Variants in DNMBP observed in about 807,000 individuals in gnomAD.
DNMBP encodes dynamin-binding protein.
A neutral mutation model predicts 150.0 loss-of-function variants in DNMBP; 87 were observed. The ratio of observed to expected loss-of-function variants is 0.58; its 90% confidence interval spans 0.49 to 0.69. The LOEUF is 0.69. Among genes scored for constraint, DNMBP ranks in the 30% least tolerant of loss-of-function variants. DNMBP has a pLI of 0.00. For synonymous variants in DNMBP, 711 were observed against 750.4 expected (o/e 0.95, Z 0.86); for missense variants, 1,774 against 1,949.0 (o/e 0.91, Z 1.69).
Position 99,900,034 on chromosome 10 carries a change from C to G in DNMBP, c.2587G>C (p.Glu863Gln). ...TGGCAGTAAATCTTGTATGTTCCCTCAAGCTCATCCCGGTGACCAAGAAAC... is the reference window on the plus strand; with the variant it reads ...TGGCAGTAAATCTTGTATGTTCCCTGAAGCTCATCCCGGTGACCAAGAAAC... ...PVFLGHRDELEGTYKIYCQNH... is the reference protein window; with the variant it reads ...PVFLGHRDELQGTYKIYCQNH... Residue 863 changes from glutamate (E) to glutamine (Q), a missense_variant, in exon 7 of 17, where the codon GAG (glutamate) becomes CAG (glutamine). Coordinates refer to ENST00000324109, the MANE Select transcript of DNMBP (RefSeq NM_015221.4). The G allele has an allele frequency of 6.2e-7, 1 of 1,614,162 alleles. No homozygotes were observed. Among genetic ancestry groups the G allele is most frequent in the Non-Finnish European group, 8.5e-7 (1 of 1,180,036 alleles).
rs768728054 is a variant in DNMBP at position 99,955,816 on chromosome 10, G to A, written c.1658C>T (p.Thr553Ile). 1 of 1,614,222 alleles carries A rather than the reference G, an allele frequency of 6.2e-7. No homozygotes were observed. Among genetic ancestry groups the A allele is most frequent in the Non-Finnish European group, 8.5e-7 (1 of 1,180,036 alleles). Residue 553 changes from threonine to isoleucine, a missense_variant, in exon 4 of 17, where the codon ACA becomes ATA. This residue lies in a region of DNMBP where 1,430 missense variants were observed against 1,492.5 expected (regional missense o/e 0.96). Coordinates refer to ENST00000324109, the MANE Select transcript of DNMBP (RefSeq NM_015221.4). ...DGSTDLDSKLTQQLIEFEKSL... is the reference protein window; with the variant it reads ...DGSTDLDSKLIQQLIEFEKSL... Reference sequence around the variant, plus strand: ...CTTCTCAAACTCGATCAGCTGTTGTGTCAGCTTCGAGTCCAGGTCAGTGCT... The same window carrying A: ...CTTCTCAAACTCGATCAGCTGTTGTATCAGCTTCGAGTCCAGGTCAGTGCT...
At chr10:99,993,628 T>C (rs2040921137) in intron 1 of DNMBP, among the ~76,000 whole-genome samples, 2 of 152,092 alleles carry the variant, frequency 1.3e-5, no homozygotes, top group Admixed American at 1.3e-4. Flanking sequence ...ATAGTGAGAC[T>C]GTCTCTACAA....
chr10:99,998,923 T>C (rs1202159426), intron 1 of DNMBP, among the ~76,000 whole-genome samples: 1 of 152,264 alleles, frequency 6.6e-6, no homozygotes, highest in Non-Finnish European at 1.5e-5. Flanking sequence ...TTATTCTTTA[T>C]TCATTTTTGT....
intron 6 of DNMBP, among the ~76,000 whole-genome samples, chr10:99,907,036 T>C (rs2039834572): frequency 6.6e-6 from 1 of 152,154 alleles, no homozygotes; most frequent in South Asian, 2.1e-4. Flanking sequence ...TTCAGCCAGA[T>C]GTGGTGGCTC....
chr10:99,897,072 C>T (rs1590219309), intron 9 of DNMBP, among the ~76,000 whole-genome samples: 3 of 152,242 alleles, frequency 2.0e-5, no homozygotes, highest in Middle Eastern at 3.4e-3. Context: ...AAGTAGAAGG[C>T]AGAGAAATGA....
chr10:99,898,512 T>C, intron 8 of DNMBP: 1 of 659,546 alleles, frequency 1.5e-6, no homozygotes, highest in Admixed American at 2.6e-5. Flanking sequence ...CTGTTCTAGG[T>C]GCTGGGGATT....
rs1419359738 is a variant in DNMBP, at chr10:99,972,064, GTTC to G, written c.58_60del (p.Glu20del). The stretch of plus-strand genomic sequence containing the variant: ...ATAATATCTCCCACAAAGAGCGGCA[GTTC>G]TTCTGATACGCTAGGGCAGAAGTCA... On this transcript the variant is annotated inframe_deletion, in exon 2 of 17. Coordinates refer to ENST00000324109, the MANE Select transcript of DNMBP (RefSeq NM_015221.4). 1.2e-6 allele frequency: 2 copies of G among 1,613,866 alleles called. No homozygotes were observed. Among genetic ancestry groups the G allele is most frequent in the South Asian group, 1.1e-5 (1 of 91,082 alleles).
chr10:100,005,375 C>A (rs911836401), intron 1 of DNMBP, among the ~76,000 whole-genome samples: 2 of 152,114 alleles, frequency 1.3e-5, no homozygotes, highest in African/African-American at 2.4e-5. Context: ...TAAAGCAAAA[C>A]CAATGGATGC....
At chr10:99,976,700 T>G (rs1476244663) in intron 1 of DNMBP, among the ~76,000 whole-genome samples, 1 of 152,176 alleles carries the variant, frequency 6.6e-6, no homozygotes, top group African/African-American at 2.4e-5. Context: ...CTGAGGCCCC[T>G]TTCTTACTTT....
In DNMBP at chr10:99,964,246, A is replaced by G. The variant is rs1197719305; in HGVS notation, c.268+4869T>C. ...CAACCTCTGCTTTCCGGGTTCGAGC[A>G]ATTTCTCCTGCCTCAGCCTCCCGAG... On this transcript the variant is annotated intron_variant, in intron 3 of 16. Transcript: ENST00000324109. Among the ~76,000 whole-genome samples the G allele has an allele frequency of 2.1e-5, 3 of 145,750 alleles. No individual in the cohort carries two copies. The East Asian group carries it at 6.1e-4, about 30-fold the overall frequency.
chr10:99,969,257 T>C lies in DNMBP; in HGVS notation c.146-20A>G, dbSNP rs1262055196. On this transcript the variant is annotated intron_variant, in intron 2 of 16. Transcript: ENST00000324109. ...ATTGTCCTGAAAATAAAAGCAAACA[T>C]ATTAAATTTTAATACTGAGATTTCT... 1.2e-6 allele frequency: 2 copies of C among 1,613,306 alleles called. No individual in the cohort carries two copies. Among genetic ancestry groups the C allele is most frequent in the Non-Finnish European group, 1.7e-6 (2 of 1,179,612 alleles).
intron 12 of DNMBP, among the ~76,000 whole-genome samples, chr10:99,887,734 T>C (rs1423265348): frequency 1.3e-5 from 2 of 152,168 alleles, no homozygotes; most frequent in Non-Finnish European, 2.9e-5. Flanking sequence ...CCTACAAAAC[T>C]ATCAAACCCC....
At chr10:99,891,431 T>A (rs1216081446) in intron 11 of DNMBP, among the ~76,000 whole-genome samples, 2 of 151,826 alleles carry the variant, frequency 1.3e-5, no homozygotes, top group Non-Finnish European at 2.9e-5. Context: ...AGCCTCGGCC[T>A]CCCGAGGTGC....
chr10:99,974,308 T>A (rs966726853), intron 1 of DNMBP, among the ~76,000 whole-genome samples: 1 of 152,164 alleles, frequency 6.6e-6, no homozygotes, highest in Non-Finnish European at 1.5e-5. Context: ...TGTGCTGTAA[T>A]AAGACGATGT....
chr10:99,877,092 C>CTT lies in DNMBP; in HGVS notation c.*58_*59insAA. On this transcript the variant is annotated 3_prime_UTR_variant, in exon 17 of 17. Transcript: ENST00000324109. ...AGCAGGCGCCCTCTCGGTGGGCCGC[C>CTT]AGAACCCTCGGCGGACTGAAAGCAA... is the stretch of plus-strand genomic sequence containing the variant. 1 of 1,383,404 alleles carries CTT rather than the reference C, an allele frequency of 7.2e-7. No homozygotes were observed. Among genetic ancestry groups the CTT allele is most frequent in the Non-Finnish European group, 9.5e-7 (1 of 1,056,930 alleles). 85.7% of individuals were successfully genotyped at this position (1,383,404 alleles called of 1,614,324 possible).
chr10:99,966,459 G>C (rs1456966720), intron 3 of DNMBP, among the ~76,000 whole-genome samples: 1 of 152,150 alleles, frequency 6.6e-6, no homozygotes, highest in Non-Finnish European at 1.5e-5. Flanking sequence ...GGTGACTCAC[G>C]ATGCCAGATT....
intron 15 of DNMBP, among the ~76,000 whole-genome samples, chr10:99,881,675 A>G (rs1200560827): frequency 6.6e-6 from 1 of 152,166 alleles, no homozygotes; most frequent in African/African-American, 2.4e-5. Context: ...ACAGCTTGGG[A>G]CTTTAGGTCC....
chr10:99,930,168 C>G, intron 4 of DNMBP: 1 of 702,996 alleles, frequency 1.4e-6, no homozygotes, highest in Non-Finnish European at 2.6e-6. Flanking sequence ...GCTGTGTTCT[C>G]TACAATAAAA....
chr10:99,914,083 C>T (rs2133255094), intron 4 of DNMBP: 2 of 1,405,284 alleles, frequency 1.4e-6, no homozygotes, highest in East Asian at 2.8e-5. Flanking sequence ...GCATTTCCCC[C>T]AGGCTTCCCA....
Sources: allele counts gnomAD v4.1 joint callset (sites outside exome capture counted in the v4.1 genomes callset), GRCh38; gene constraint gnomAD v4.1.1; regional missense constraint gnomAD v4.1.1; transcripts MANE v1.5; gene names NCBI Gene and HGNC (gene_info 2026-07-23, HGNC 2026-07-21).